CDK13: variants seen among roughly 807,000 people sequenced by gnomAD.
The protein encoded by CDK13 is cyclin dependent kinase 13.
In CDK13, 40 loss-of-function variants were observed where a neutral mutation model predicts 137.6. The observed-to-expected ratio is 0.29, with a 90% CI of 0.23 to 0.38. CDK13 has a LOEUF of 0.38. Ranked by LOEUF, CDK13 falls within the 10% of genes least tolerant of loss-of-function variation. The pLI, the probability that CDK13 is intolerant of heterozygous loss-of-function variation, is 1.00. For synonymous variants in CDK13, 869 were observed against 760.1 expected (o/e 1.14, Z -2.36); for missense variants, 1,704 against 1,951.8 (o/e 0.87, Z 2.39).
Position 39,992,163 on chromosome 7 carries a change from G to GGGGTGTGTGTGT in CDK13, c.1871+3906_1871+3907insGGTGTGTGTGTG, listed in dbSNP as rs550297232. On this transcript the variant is annotated intron_variant, in intron 2 of 13. Transcript: ENST00000181839. ...CTAGTTGTTTAAGAGAACTAATGAGGGTGTGTGTGTGTGTGTGTGTGTGTG... is the reference window on the plus strand; with the variant it reads ...CTAGTTGTTTAAGAGAACTAATGAGGGGGTGTGTGTGTGTGTGTGTGTGTGTGTGTGTGTGTG... 2.1e-3 allele frequency among the ~76,000 whole-genome samples: 311 copies of GGGGTGTGTGTGT among 146,398 alleles called. 2 individuals carry two copies. The highest frequency in any genetic ancestry group is 6.4e-3 in the Admixed American group (95 of 14,888).
chr7:40,096,003 T>C lies in CDK13; in HGVS notation c.*1023T>C, dbSNP rs1428763985. 2 of 152,196 alleles carry C rather than the reference T, an allele frequency of 1.3e-5. No homozygotes were observed. Among genetic ancestry groups the C allele is most frequent in the African/African-American group, 2.4e-5 (1 of 41,456 alleles). The allele number at this position is 152,196 out of a possible 1,614,324, so 9.4% of individuals were successfully genotyped here. On this transcript the variant is annotated 3_prime_UTR_variant, in exon 14 of 14. Coordinates refer to ENST00000181839, the MANE Select transcript of CDK13 (RefSeq NM_003718.5). ...GAAAGTAATAGCTCCAGGAGAATTT[T>C]AGAGTACCATTTTCTTTCAGGCTGC...
At chr7:40,028,180 TC>T in intron 5 of CDK13, among the ~76,000 whole-genome samples, 1 of 151,520 alleles carries the variant, frequency 6.6e-6, no homozygotes, top group African/African-American at 2.4e-5. Context: ...AGAAGTCAGA[TC>T]CTTTGTGATT....
intron 1 of CDK13, chr7:39,987,132 G>A (rs1035374918): frequency 6.6e-6 from 1 of 152,552 alleles, no homozygotes; most frequent in Non-Finnish European, 1.5e-5. Context: ...AACTCTAAGA[G>A]ACTCTACTTA....
Position 39,951,659 on chromosome 7 carries a change from T to C in CDK13, c.1018T>C (p.Ser340Pro), listed in dbSNP as rs2116069651. 2 of 1,472,278 alleles carry C rather than the reference T, an allele frequency of 1.4e-6. No individual in the cohort carries two copies. Among genetic ancestry groups the C allele is most frequent in the African/African-American group, 1.5e-5 (1 of 68,162 alleles). The allele number at this position is 1,472,278 out of a possible 1,614,324, so 91.2% of individuals were successfully genotyped here. A position where few individuals can be genotyped will look rare whatever the true frequency, so the allele number is the denominator to read the frequency against. The change falls in exon 1 of 14, where the codon TCC (serine) becomes CCC (proline). Residue 340 changes from serine to proline, a missense_variant. Around this residue, in one of 5 missense-constraint regions of CDK13, gnomAD observed 1,051 missense variants for 931.0 expected, o/e 1.13. Coordinates refer to ENST00000181839, the MANE Select transcript of CDK13 (RefSeq NM_003718.5). ...CTCTCAGAGCCTGAGGAGCCGCAAG[T>C]CCCCCAGCCCGGCAGGAGGTGGCAG... ...RASQSLRSRK[S>P]PSPAGGGSSP...
intron 9 of CDK13, 52 bp downstream of exon 9, chr7:40,063,152 C>T (rs1237896162): frequency 1.5e-6 from 2 of 1,351,604 alleles, no homozygotes; most frequent in African/African-American, 1.4e-5. Flanking sequence ...TCATACTCCA[C>T]AGGAAATTTA....
intron 5 of CDK13, among the ~76,000 whole-genome samples, chr7:40,026,567 T>TGA (rs1279872422): frequency 1.3e-5 from 2 of 152,226 alleles, no homozygotes; most frequent in Non-Finnish European, 2.9e-5. Flanking sequence ...ATGTTTTTCT[T>TGA]ACTCTTTCCT....
chr7:39,957,090 C>CGTGTGTGT (rs70996865), intron 1 of CDK13, among the ~76,000 whole-genome samples: 3,629 of 140,962 alleles, frequency 0.026, 153 homozygotes, highest in African/African-American at 0.089. Context: ...ATCCCACTGT[C>CGTGTGTGT]GTGTGTGTGT....
chr7:39,956,451 A>G (rs1787411528), intron 1 of CDK13, among the ~76,000 whole-genome samples: 1 of 152,232 alleles, frequency 6.6e-6, no homozygotes, highest in South Asian at 2.1e-4. Flanking sequence ...TTAATTAGCT[A>G]GACTTCATGT....
intron 11 of CDK13, among the ~76,000 whole-genome samples, chr7:40,080,018 C>T (rs916320079): frequency 6.6e-6 from 1 of 152,158 alleles, no homozygotes; most frequent in African/African-American, 2.4e-5. Flanking sequence ...GACAAAGTCT[C>T]ACTCTGTCTC....
chr7:40,079,811 TGGG>T (rs1226027929), intron 11 of CDK13, among the ~76,000 whole-genome samples: 1 of 152,128 alleles, frequency 6.6e-6, no homozygotes, highest in Non-Finnish European at 1.5e-5. Flanking sequence ...TATTGTCTGA[TGGG>T]GGAAATATAT....
intron 3 of CDK13, 94 bp from the exon 4 acceptor site, chr7:39,999,267 A>G: frequency 7.1e-6 from 7 of 986,936 alleles, no homozygotes; most frequent in Non-Finnish European, 1.0e-5. Context: ...AAAATAAAGA[A>G]TATACAATTG....
At chr7:40,039,398 G>T (rs952075509) in intron 5 of CDK13, among the ~76,000 whole-genome samples, 1 of 144,014 alleles carries the variant, frequency 6.9e-6, no homozygotes, top group African/African-American at 2.6e-5. Context: ...CTCCCAAGTA[G>T]CCAGGATTAC....
At chr7:39,963,844 T>C (rs1783807140) in intron 1 of CDK13, among the ~76,000 whole-genome samples, 1 of 152,222 alleles carries the variant, frequency 6.6e-6, no homozygotes, top group African/African-American at 2.4e-5. Flanking sequence ...TGTTGAATTT[T>C]GTCAAAGGCC....
At chr7:40,032,655 A>G (rs1028730471) in intron 5 of CDK13, among the ~76,000 whole-genome samples, 5 of 152,000 alleles carry the variant, frequency 3.3e-5, no homozygotes, top group Admixed American at 3.3e-4. Context: ...TCCTTTCTCC[A>G]TTGAAGTGCT....
chr7:40,021,122 TAC>T (rs1304409836), intron 5 of CDK13, among the ~76,000 whole-genome samples: 3 of 108,524 alleles, frequency 2.8e-5, no homozygotes, highest in African/African-American at 8.2e-5. Flanking sequence ...TATATATATA[TAC>T]ACACACACAC....
chr7:39,974,564 T>C (rs1157321817), intron 1 of CDK13, among the ~76,000 whole-genome samples: 2 of 151,364 alleles, frequency 1.3e-5, no homozygotes, highest in Non-Finnish European at 3.0e-5. Context: ...TTCTTTTTTT[T>C]TTTTTTTTTT....
intron 1 of CDK13, among the ~76,000 whole-genome samples, chr7:39,971,774 T>G (rs1784004889): frequency 6.6e-6 from 1 of 151,936 alleles, no homozygotes; most frequent in African/African-American, 2.4e-5. Context: ...TCCCAGCTAC[T>G]TGGGAGGCTG....
rs535955663 is a variant in CDK13 at position 39,961,076 on chromosome 7, T to C, written c.1211+9224T>C. 3.0e-3 allele frequency among the ~76,000 whole-genome samples: 453 copies of C among 151,830 alleles called. 1 individual carries two copies. The highest frequency in any genetic ancestry group is 0.017 in the Middle Eastern group (5 of 294). ...AAGAAAACATTTTAACTCTACTCTT[T>C]GGCTGGGCACAGTGGCTCACGCCTG... is the stretch of plus-strand genomic sequence containing the variant. On this transcript the variant is annotated intron_variant, in intron 1 of 13. Transcript: ENST00000181839.
intron 5 of CDK13, 67 bp downstream of exon 5, chr7:40,002,098 T>G: frequency 9.0e-7 from 1 of 1,108,442 alleles, no homozygotes; most frequent in Non-Finnish European, 1.3e-6. Context: ...TTGGAAATTT[T>G]TTTTATAGAT....
Sources: allele counts gnomAD v4.1 joint callset (sites outside exome capture counted in the v4.1 genomes callset), GRCh38; gene constraint gnomAD v4.1.1; regional missense constraint gnomAD v4.1.1; transcripts MANE v1.5; gene names NCBI Gene and HGNC (gene_info 2026-07-23, HGNC 2026-07-21).